Variants in MIDN observed in about 807,000 individuals in gnomAD.
MIDN encodes midbrain nucleolar protein.
Under a neutral mutation model 46.1 loss-of-function variants are expected in MIDN, and 26 were observed. The ratio of observed to expected loss-of-function variants is 0.56; its 90% CI spans 0.41 to 0.78. The LOEUF (loss-of-function observed/expected upper bound fraction) is 0.78. Ranked by LOEUF, MIDN falls within the 30% of genes least tolerant of loss-of-function variation. MIDN has a pLI of 0.00. For missense variants in MIDN, 850 were observed against 771.8 expected, an observed-to-expected ratio of 1.10 and a Z score of -1.20; for synonymous variants, 432 against 343.3, an observed-to-expected ratio of 1.26 and a Z score of -2.86.
chr19:1,253,700 G>A (rs1001961046), intron 4 of MIDN: 6 of 223,702 alleles, frequency 2.7e-5, no homozygotes, highest in Admixed American at 1.1e-4. Context: ...AGAAGAATTC[G>A]TGCAGGAATT....
At chr19:1,254,528 G>T in intron 6 of MIDN, 50 bp downstream of exon 6, 1 of 1,523,828 alleles carries the variant, frequency 6.6e-7, no homozygotes, top group Non-Finnish European at 8.8e-7. Context: ...CCAAAGGGTG[G>T]GCCGTCCTGG....
rs780039848 is a variant in MIDN at position 1,255,064 on chromosome 19, A to C, written c.985+3A>C. ...GGTCTTCTCAGGGACCTTCTCTGGT[A>C]GGTGTCACAGCACATGTGTGAGCTC... On this transcript the variant is annotated splice_donor_region_variant and intron_variant, in intron 7 of 8. Transcript: ENST00000682408. 3 of 1,611,130 alleles carry C rather than the reference A, an allele frequency of 1.9e-6. No homozygotes were observed. The South Asian group carries it at 3.3e-5, about 18-fold the overall frequency.
Position 1,254,289 on chromosome 19 carries a change from GGCCGCTGCGGCC to G in MIDN, c.642_653del (p.Ala218_Ala221del), listed in dbSNP as rs751912419. On this transcript the variant is annotated inframe_deletion, in exon 6 of 9. Transcript: ENST00000682408. ...CTCCACTGCAACACCGCCATGTGCT[GGCCGCTGCGGCC>G]GCCGCCGCTGCTGCGCGGGGGGACC... 4 of 1,570,504 alleles carry G rather than the reference GGCCGCTGCGGCC, an allele frequency of 2.5e-6. No homozygotes were observed. Among genetic ancestry groups the G allele is most frequent in the South Asian group, 2.3e-5 (2 of 88,096 alleles).
At chr19:1,251,016 C>A (rs949696195) in intron 2 of MIDN, among the ~76,000 whole-genome samples, 1 of 151,618 alleles carries the variant, frequency 6.6e-6, no homozygotes, top group African/African-American at 2.4e-5. Flanking sequence ...CGCGGGCCTC[C>A]GGGGACACGC....
At chr19:1,249,706 C>T (rs973813488) in intron 1 of MIDN, among the ~76,000 whole-genome samples, 184 bp from the exon 2 acceptor site, 4 of 148,732 alleles carry the variant, frequency 2.7e-5, no homozygotes, top group African/African-American at 9.8e-5. Flanking sequence ...GGCCCGGCTG[C>T]CACGTGGGGC....
chr19:1,251,681 G>A (rs1216946857), intron 3 of MIDN, 32 bp downstream of exon 3: 10 of 1,590,624 alleles, frequency 6.3e-6, no homozygotes, highest in East Asian at 4.6e-5. Context: ...TGCCCCCAGA[G>A]GCCCCCGCAC....
chr19:1,255,845 G>A, intron 8 of MIDN, 151 bp downstream of exon 8: 2 of 747,372 alleles, frequency 2.7e-6, no homozygotes, highest in Non-Finnish European at 2.1e-6. Context: ...CTCCAGCCCG[G>A]AGAGAAGGCA....
At chr19:1,251,710 C>T (rs1435332911) in intron 3 of MIDN, 61 bp downstream of exon 3, 4 of 1,542,824 alleles carry the variant, frequency 2.6e-6, no homozygotes, top group African/African-American at 1.4e-5. Flanking sequence ...TAGCCCCTCC[C>T]TCGGTACCTG....
In MIDN at chr19:1,254,287, C is replaced by T. The variant is rs776004426; in HGVS notation, c.634C>T (p.Leu212=). Residue 212 remains leucine (L), a synonymous_variant, in exon 6 of 9, where the codon CTG becomes TTG. Transcript: ENST00000682408. ...CGCTCCACTGCAACACCGCCATGTG[C>T]TGGCCGCTGCGGCCGCCGCCGCTGC... is the stretch of plus-strand genomic sequence containing the variant. ...QHAPLQHRHV[L]AAAAAAAAAR... The T allele has an allele frequency of 3.8e-5, 60 of 1,575,208 alleles. No individual in the cohort carries two copies. The highest frequency in any genetic ancestry group is 4.9e-5 in the Non-Finnish European group (57 of 1,168,136).
rs1317423292 is a variant in MIDN, at chr19:1,257,046, G to A, written c.1310G>A (p.Arg437Gln). The A allele has an allele frequency of 6.2e-6, 10 of 1,612,280 alleles. No individual in the cohort carries two copies. The highest frequency in any genetic ancestry group is 6.8e-6 in the Non-Finnish European group (8 of 1,179,950). Residue 437 changes from arginine (R) to glutamine (Q), a missense_variant, in exon 9 of 9, where the codon CGG (arginine) becomes CAG (glutamine). By Grantham distance (43) the Arg-to-Gln change is conservative. Transcript: ENST00000682408. ...CGCGCCACGCGCTGCAAGGTGGAAC[G>A]GCTGCAGCTGCTTCTGCAGCAGAAA... Reference protein sequence around the residue: ...ENRATRCKVERLQLLLQQKRL... With the variant: ...ENRATRCKVEQLQLLLQQKRL...
In MIDN at chr19:1,257,665, C is replaced by G. The variant is rs909386490; in HGVS notation, c.*393C>G. 5 of 206,042 alleles carry G rather than the reference C, an allele frequency of 2.4e-5. No individual in the cohort carries two copies. Among genetic ancestry groups the G allele is most frequent in the Non-Finnish European group, 4.9e-5 (5 of 102,726 alleles). 12.8% of individuals were successfully genotyped at this position (206,042 alleles called of 1,614,324 possible). On this transcript the variant is annotated 3_prime_UTR_variant, in exon 9 of 9. Coordinates refer to ENST00000682408, the MANE Select transcript of MIDN (RefSeq NM_001388306.1). The stretch of plus-strand genomic sequence containing the variant: ...GGAGAAACGCGCCCCATCCCTTCCG[C>G]CGCCTCCTTTCCCCCCCGACCCTAT...
chr19:1,251,902 G>A lies in MIDN; in HGVS notation c.384+1G>A. ...TCTCGAGAGTCTCACGGAGACGCAG[G>A]TAAGACCTCGCCAGCCCCTTCCTAA... On this transcript the variant is annotated splice_donor_variant, in intron 4 of 8. Coordinates refer to ENST00000682408, the MANE Select transcript of MIDN (RefSeq NM_001388306.1). LOFTEE classifies it high-confidence loss of function. 1 of 1,612,804 alleles carries A rather than the reference G, an allele frequency of 6.2e-7. No individual in the cohort carries two copies. The highest frequency in any genetic ancestry group is 8.5e-7 in the Non-Finnish European group (1 of 1,179,498).
In MIDN at chr19:1,254,923, G is replaced by T. The variant is rs2081179385; in HGVS notation, c.847G>T (p.Ala283Ser). The change falls in exon 7 of 9, where the codon GCC (alanine) becomes TCC (serine). Residue 283 changes from alanine to serine, a missense_variant. Coordinates refer to ENST00000682408, the MANE Select transcript of MIDN (RefSeq NM_001388306.1). The stretch of plus-strand genomic sequence containing the variant: ...TCAGCAGATGGACTGCTCCCCCACG[G>T]CCAGCAGCAGTGCCAGTCCTGGTGC... ...CPEQMDCSPT[A>S]SSSASPGAST... The T allele has an allele frequency of 6.8e-6, 11 of 1,608,416 alleles. No homozygotes were observed. Among genetic ancestry groups the T allele is most frequent in the Non-Finnish European group, 9.3e-6 (11 of 1,177,452 alleles).
chr19:1,251,851 A>G lies in MIDN; in HGVS notation c.334A>G (p.Arg112Gly). ...CCTCTCTTTGTAGTCTCAGGCCTCA[A>G]GGCCGGAACAGTCCGTGATGCAAGC... is the stretch of plus-strand genomic sequence containing the variant. ...VEAGLMSQASRPEQSVMQALE... is the reference protein window; with the variant it reads ...VEAGLMSQASGPEQSVMQALE... Residue 112 changes from arginine (R) to glycine (G), a missense_variant, in exon 4 of 9, where the codon AGG (arginine) becomes GGG (glycine). Transcript: ENST00000682408. The G allele has an allele frequency of 6.2e-7, 1 of 1,613,378 alleles. No individual in the cohort carries two copies. The highest frequency in any genetic ancestry group is 8.5e-7 in the Non-Finnish European group (1 of 1,179,682).
intron 1 of MIDN, among the ~76,000 whole-genome samples, chr19:1,248,946 C>T (rs1451618659): frequency 6.6e-6 from 1 of 152,022 alleles, no homozygotes; most frequent in African/African-American, 2.4e-5. Flanking sequence ...CCCAGTCTCC[C>T]GACTACAGTC....
In MIDN at chr19:1,253,421, A is replaced by ACC. The variant is rs59156314; in HGVS notation, c.385-523_385-522dup. ...ATGTCACTTCTCAGAAACCTCCGCC[A>ACC]CCCCCCCCCCCATCCCGGCCACTGG... On this transcript the variant is annotated intron_variant, in intron 4 of 8. Transcript: ENST00000682408. Among the ~76,000 whole-genome samples, 1,135 of 144,496 alleles carry ACC rather than the reference A, an allele frequency of 7.9e-3. 13 individuals are homozygous for ACC. The highest frequency in any genetic ancestry group is 0.013 in the African/African-American group (516 of 39,800). 94.8% of individuals were successfully genotyped at this position (144,496 alleles called of 152,430 possible).
Position 1,257,090 on chromosome 19 carries a change from C to G in MIDN, c.1354C>G (p.Arg452Gly). 3 of 1,612,120 alleles carry G rather than the reference C, an allele frequency of 1.9e-6. No homozygotes were observed. Among genetic ancestry groups the G allele is most frequent in the Non-Finnish European group, 1.7e-6 (2 of 1,179,758 alleles). The change falls in exon 9 of 9, where the codon CGG (arginine) becomes GGG (glycine). Residue 452 changes from arginine (R) to glycine (G), a missense_variant. Physicochemically the swap from Arg to Gly is moderately radical, Grantham distance 125. Transcript: ENST00000682408. Reference sequence around the variant, plus strand: ...GCAGAAACGGCTCCGTAGAAAGGCCCGGCGGGACGCGCGGGGTCCGTACCA... The same window carrying G: ...GCAGAAACGGCTCCGTAGAAAGGCCGGGCGGGACGCGCGGGGTCCGTACCA... ...LQQKRLRRKA[R>G]RDARGPYHWS...
intron 7 of MIDN, 66 bp downstream of exon 7, chr19:1,255,127 T>C (rs1319672541): frequency 3.2e-6 from 5 of 1,543,694 alleles, no homozygotes; most frequent in East Asian, 2.3e-5. Context: ...GGGGTCTACA[T>C]CCACCCACAG....
chr19:1,256,469 G>C (rs1209098749), intron 8 of MIDN, among the ~76,000 whole-genome samples: 2 of 144,806 alleles, frequency 1.4e-5, no homozygotes, highest in Non-Finnish European at 3.0e-5. Flanking sequence ...GCGACAGAGC[G>C]AGACTCCGTC....
Sources: allele counts gnomAD v4.1 joint callset (sites outside exome capture counted in the v4.1 genomes callset), GRCh38; gene constraint gnomAD v4.1.1; transcripts MANE v1.5; gene names NCBI Gene and HGNC (gene_info 2026-07-23, HGNC 2026-07-21).